The following PTPN4 variants were observed in gnomAD, a reference collection of about 807,000 sequenced individuals.
PTPN4 encodes the protein protein tyrosine phosphatase non-receptor type 4.
Under a neutral mutation model 135.5 loss-of-function variants are expected in PTPN4, and 49 were observed. That is an observed-to-expected ratio of 0.36 (90% CI 0.29 to 0.46). The LOEUF (loss-of-function observed/expected upper bound fraction) is 0.46. PTPN4 is among the 20% of genes least tolerant of loss of function. The pLI, the probability that PTPN4 is intolerant of heterozygous loss-of-function variation, is 1.00. For synonymous variants in PTPN4, 333 were observed against 369.9 expected, an observed-to-expected ratio of 0.90 and a Z score of 1.14; for missense variants, 860 against 1,101.0, an observed-to-expected ratio of 0.78 and a Z score of 3.10.
At chr2:119,940,842 T>C (rs1332438173) in intron 15 of PTPN4, among the ~76,000 whole-genome samples, 1 of 152,214 alleles carries the variant, frequency 6.6e-6, no homozygotes, top group Non-Finnish European at 1.5e-5. Flanking sequence ...AAATTCATGA[T>C]TTTCAAGGGT....
intron 1 of PTPN4, among the ~76,000 whole-genome samples, chr2:119,768,723 C>T (rs1414626572): frequency 6.6e-6 from 1 of 152,172 alleles, no homozygotes; most frequent in Non-Finnish European, 1.5e-5. Flanking sequence ...TGCTTGCCGC[C>T]TCTGAGGCCT....
intron 2 of PTPN4, 115 bp from the exon 3 acceptor site, chr2:119,862,421 G>A: frequency 1.2e-6 from 1 of 843,266 alleles, no homozygotes; most frequent in South Asian, 1.8e-5. Context: ...AAAAACGTTT[G>A]CTACCTCTGG....
chr2:119,774,197 A>G (rs973118061), intron 1 of PTPN4, among the ~76,000 whole-genome samples: 2 of 152,206 alleles, frequency 1.3e-5, no homozygotes, highest in Admixed American at 6.5e-5. Context: ...GAATAACACC[A>G]TGGAACCCAT....
At chr2:119,882,068 G>C in intron 6 of PTPN4, 29 bp from the exon 7 acceptor site, 1 of 1,563,242 alleles carries the variant, frequency 6.4e-7, no homozygotes. Flanking sequence ...TTTAACCTTC[G>C]GTTGTGTATT....
chr2:119,902,128 A>T (rs1678413753), intron 10 of PTPN4, among the ~76,000 whole-genome samples: 1 of 152,234 alleles, frequency 6.6e-6, no homozygotes, highest in Admixed American at 6.5e-5. Flanking sequence ...ACACTTACAC[A>T]CTATCATAGT....
intron 1 of PTPN4, among the ~76,000 whole-genome samples, chr2:119,763,556 C>G (rs980557477): frequency 6.6e-6 from 1 of 152,160 alleles, no homozygotes; most frequent in Non-Finnish European, 1.5e-5. Flanking sequence ...CTTGTCTAGG[C>G]TCATACTTCT....
At chr2:119,954,174 G>GA (rs1679247440) in intron 19 of PTPN4, among the ~76,000 whole-genome samples, 1 of 151,924 alleles carries the variant, frequency 6.6e-6, no homozygotes, top group African/African-American at 2.4e-5. Flanking sequence ...CTTCATTTCA[G>GA]AAATTTATTT....
chr2:119,831,845 C>A (rs1240834549), intron 2 of PTPN4, among the ~76,000 whole-genome samples: 1 of 152,142 alleles, frequency 6.6e-6, no homozygotes, highest in Non-Finnish European at 1.5e-5. Flanking sequence ...ACAGAGAGGA[C>A]TTTTATTTAC....
At chr2:119,856,246 C>T (rs1438020295) in intron 2 of PTPN4, among the ~76,000 whole-genome samples, 2 of 152,192 alleles carry the variant, frequency 1.3e-5, no homozygotes, top group African/African-American at 4.8e-5. Context: ...GTTGCGTTTT[C>T]CTCCCCACAT....
intron 1 of PTPN4, among the ~76,000 whole-genome samples, chr2:119,775,288 A>G (rs1490813277): frequency 6.6e-6 from 1 of 152,084 alleles, no homozygotes; most frequent in Non-Finnish European, 1.5e-5. Context: ...GGATAAGGTA[A>G]ATACCAGCTG....
chr2:119,801,690 C>G (rs756254867), intron 1 of PTPN4, among the ~76,000 whole-genome samples: 1 of 151,868 alleles, frequency 6.6e-6, no homozygotes, highest in South Asian at 2.1e-4. Flanking sequence ...TTTTGTTTGA[C>G]TCCTCATATT....
intron 1 of PTPN4, among the ~76,000 whole-genome samples, chr2:119,764,101 A>G (rs1051127073): frequency 6.6e-6 from 1 of 152,170 alleles, no homozygotes; most frequent in Admixed American, 6.5e-5. Context: ...CCTCCCCAAT[A>G]TGCTCACCCA....
At chr2:119,830,302 T>C (rs1037102751) in intron 2 of PTPN4, among the ~76,000 whole-genome samples, 2 of 152,210 alleles carry the variant, frequency 1.3e-5, no homozygotes, top group Non-Finnish European at 2.9e-5. Flanking sequence ...TGAATCTGTG[T>C]ACCCACCCAA....
chr2:119,883,758 C>A (rs1473552149), intron 8 of PTPN4, among the ~76,000 whole-genome samples: 1 of 152,194 alleles, frequency 6.6e-6, no homozygotes, highest in East Asian at 1.9e-4. Context: ...TCTGGAGTTA[C>A]TGTAGGTCTT....
In PTPN4 at chr2:119,983,238, T is replaced by C. The variant is rs369490384; in HGVS notation, c.*6168T>C. The C allele has an allele frequency of 3.9e-5, 6 of 152,190 alleles. No individual in the cohort carries two copies. Among genetic ancestry groups the C allele is most frequent in the East Asian group, 1.9e-4 (1 of 5,198 alleles). The allele number at this position is 152,190 out of a possible 1,614,324, so 9.4% of individuals were successfully genotyped here. A position where few individuals can be genotyped will look rare whatever the true frequency, so the allele number is the denominator to read the frequency against. On this transcript the variant is annotated 3_prime_UTR_variant, in exon 27 of 27. Transcript: ENST00000263708. The stretch of plus-strand genomic sequence containing the variant: ...GTGATAAGCTTAAATGCCACATCGC[T>C]AAGTACAATTATTACCAGGAATCCG...
Position 119,765,019 on chromosome 2 carries a change from C to A in PTPN4, c.-18+4635C>A, listed in dbSNP as rs73948956. ...GGAATCTAGCGTCAAAAACCTCGGG[C>A]AAACTGTCTGATTTCTGAGTCAGGA... is the stretch of plus-strand genomic sequence containing the variant. On this transcript the variant is annotated intron_variant, in intron 1 of 26. Coordinates refer to ENST00000263708, the MANE Select transcript of PTPN4 (RefSeq NM_002830.4). Among the ~76,000 whole-genome samples, 734 of 152,138 alleles carry A rather than the reference C, an allele frequency of 4.8e-3. 5 individuals are homozygous for A. Among genetic ancestry groups the A allele is most frequent in the African/African-American group, 0.017 (705 of 41,488 alleles).
At position 119,977,142 on chromosome 2, in the gene PTPN4, C is replaced by T. The variant is rs545386167; in HGVS notation, c.*72C>T. ...ATGTTCACTGTGCCATAATGCTGCT[C>T]GCAGGAAATGGCATTTTACAAAAAA... On this transcript the variant is annotated 3_prime_UTR_variant, in exon 27 of 27. Coordinates refer to ENST00000263708, the MANE Select transcript of PTPN4 (RefSeq NM_002830.4). 12 of 1,413,158 alleles carry T rather than the reference C, an allele frequency of 8.5e-6. No homozygotes were observed. The highest frequency in any genetic ancestry group is 1.9e-4 in the Middle Eastern group (1 of 5,158). The allele number at this position is 1,413,158 out of a possible 1,614,324, so 87.5% of individuals were successfully genotyped here.
At chr2:119,778,276 A>G (rs910032785) in intron 1 of PTPN4, among the ~76,000 whole-genome samples, 1 of 152,202 alleles carries the variant, frequency 6.6e-6, no homozygotes, top group African/African-American at 2.4e-5. Flanking sequence ...GGCTGCTTCT[A>G]ATGTTTCTAG....
At chr2:119,946,485 T>C (rs1679134773) in intron 17 of PTPN4, 33 bp from the exon 18 acceptor site, 5 of 1,596,412 alleles carry the variant, frequency 3.1e-6, no homozygotes, top group South Asian at 1.1e-5. Context: ...TTTGGTAATA[T>C]TTGACTAACA....
Sources: allele counts gnomAD v4.1 joint callset (sites outside exome capture counted in the v4.1 genomes callset), GRCh38; gene constraint gnomAD v4.1.1; transcripts MANE v1.5; gene names NCBI Gene and HGNC (gene_info 2026-07-23, HGNC 2026-07-21).